The following TBC1D12 variants were observed in gnomAD, a reference collection of about 807,000 sequenced individuals.
TBC1D12 encodes TBC1 domain family member 12, also known as TBC1 domain family, member 12.
TBC1D12 carries 56 observed loss-of-function variants against 86.7 expected under a neutral mutation model. The observed-to-expected ratio is 0.65, with a 90% CI of 0.52 to 0.81. The LOEUF (loss-of-function observed/expected upper bound fraction) is 0.81, where lower values mean the gene tolerates loss of function less well. Ranked by LOEUF, TBC1D12 falls within the 30% of genes least tolerant of loss-of-function variation. The pLI is 0.00. For synonymous variants in TBC1D12, 421 were observed against 411.7 expected (o/e 1.02, Z -0.27); for missense variants, 1,023 against 1,038.8 (o/e 0.98, Z 0.21).
intron 9 of TBC1D12, among the ~76,000 whole-genome samples, chr10:94,519,038 G>A (rs1227608770): frequency 6.6e-6 from 1 of 152,168 alleles, no homozygotes; most frequent in Admixed American, 6.5e-5. Flanking sequence ...TCGTGCCACT[G>A]CACTCCAGCC....
At chr10:94,489,436 A>T (rs1381237123) in intron 3 of TBC1D12, among the ~76,000 whole-genome samples, 1 of 152,154 alleles carries the variant, frequency 6.6e-6, no homozygotes, top group South Asian at 2.1e-4. Context: ...ACCCTCTGCA[A>T]TGCCTCTTTC....
At chr10:94,529,515 G>A (rs982900139) in intron 11 of TBC1D12, among the ~76,000 whole-genome samples, 1 of 152,172 alleles carries the variant, frequency 6.6e-6, no homozygotes, top group African/African-American at 2.4e-5. Context: ...CTACTCGGGA[G>A]GCTGAGGCAG....
intron 5 of TBC1D12, among the ~76,000 whole-genome samples, 181 bp downstream of exon 5, chr10:94,497,353 T>C (rs1462428502): frequency 1.5e-4 from 23 of 152,032 alleles, no homozygotes. Flanking sequence ...TTTCTGATTC[T>C]GTATTTTTAT....
rs116721402 is a variant in TBC1D12 at position 94,492,530 on chromosome 10, C to A, written c.1212-835C>A. 3.9e-3 allele frequency among the ~76,000 whole-genome samples: 591 copies of A among 152,214 alleles called. 3 individuals are homozygous for A. Among genetic ancestry groups the A allele is most frequent in the African/African-American group, 0.014 (562 of 41,540 alleles). On this transcript the variant is annotated intron_variant, in intron 3 of 12. Coordinates refer to ENST00000225235, the MANE Select transcript of TBC1D12 (RefSeq NM_015188.2). ...CTCAATCTGGAAACAATCCAAGTGT[C>A]CACCCACATGGATAAATGGAATACT...
Position 94,533,057 on chromosome 10 carries a change from A to AG in TBC1D12, c.2290dup (p.Glu764GlyfsTer7). 6.3e-7 allele frequency: 1 copy of AG among 1,595,414 alleles called. No individual in the cohort carries two copies. Among genetic ancestry groups the AG allele is most frequent in the Middle Eastern group, 1.7e-4 (1 of 6,004 alleles). On this transcript the variant is annotated frameshift_variant, in exon 13 of 13. Transcript: ENST00000225235. LOFTEE classifies it high-confidence loss of function. ...TTGCATCTGTAATGAAGGATATTAA[A>AG]GAAGGAGACAAGAACAGTAGTCCTG...
rs76865391 is a variant in TBC1D12 at position 94,438,451 on chromosome 10, T to C, written c.972-3445T>C. On this transcript the variant is annotated intron_variant, in intron 1 of 12. Transcript: ENST00000225235. ...ATACTTACAGTGAAAGCCACTGCTG[T>C]GGAGAGTAGTGAAACTGATGCATGT... Among the ~76,000 whole-genome samples, 413 of 152,250 alleles carry C rather than the reference T, an allele frequency of 2.7e-3. 10 individuals carry two copies. The East Asian group carries it at 0.06, about 22-fold the overall frequency.
In TBC1D12 at chr10:94,441,273, A is replaced by G. The variant is rs182799915; in HGVS notation, c.972-623A>G. Among the ~76,000 whole-genome samples, 12 of 152,082 alleles carry G rather than the reference A, an allele frequency of 7.9e-5. No individual in the cohort carries two copies. The East Asian group carries it at 2.1e-3, about 27-fold the overall frequency. ...CCTAGGAAAGACAGGTTATGTATAT[A>G]TATTATAGCAATAGGGGATTAGTAG... On this transcript the variant is annotated intron_variant, in intron 1 of 12. Coordinates refer to ENST00000225235, the MANE Select transcript of TBC1D12 (RefSeq NM_015188.2).
intron 3 of TBC1D12, among the ~76,000 whole-genome samples, chr10:94,481,077 CTCA>C (rs939803203): frequency 2.2e-5 from 3 of 138,878 alleles, no homozygotes; most frequent in Non-Finnish European, 3.0e-5. Flanking sequence ...AGCAGTGGGA[CTCA>C]TCAATAGTCT....
intron 9 of TBC1D12, among the ~76,000 whole-genome samples, chr10:94,513,381 A>G (rs560501760): frequency 2.5e-4 from 38 of 152,120 alleles, no homozygotes; most frequent in Non-Finnish European, 4.0e-4. Context: ...GGATTGGACC[A>G]CTGCATTCCA....
chr10:94,497,581 G>A (rs943362786), intron 5 of TBC1D12, among the ~76,000 whole-genome samples: 5 of 141,170 alleles, frequency 3.5e-5, no homozygotes, highest in Admixed American at 7.3e-5. Context: ...GTGCAGTGGC[G>A]TGGTCTCCGC....
At chr10:94,517,857 T>C (rs113849365) in intron 9 of TBC1D12, among the ~76,000 whole-genome samples, 242 of 152,276 alleles carry the variant, frequency 1.6e-3, no homozygotes, top group African/African-American at 5.5e-3. Context: ...TTATACTTAT[T>C]TAAAAGAACC....
At chr10:94,443,788 G>C (rs1165499985) in intron 2 of TBC1D12, among the ~76,000 whole-genome samples, 1 of 152,190 alleles carries the variant, frequency 6.6e-6, no homozygotes, top group Non-Finnish European at 1.5e-5. Context: ...CTGGAAATGA[G>C]GGTTATGTCT....
intron 11 of TBC1D12, among the ~76,000 whole-genome samples, chr10:94,528,975 C>T (rs927956910): frequency 6.6e-6 from 1 of 151,824 alleles, no homozygotes; most frequent in African/African-American, 2.4e-5. Context: ...TGGCATTGGT[C>T]AAATGTGTCT....
chr10:94,441,910 A>G lies in TBC1D12; in HGVS notation c.986A>G (p.Lys329Arg), dbSNP rs1452164734. The G allele has an allele frequency of 6.2e-7, 1 of 1,611,908 alleles. No individual in the cohort carries two copies. ...CTGTGTTTCAGAAACCTTTTTCCAAAAAGGACAAAGGAACTCAAATCAGTT... is the reference window on the plus strand; with the variant it reads ...CTGTGTTTCAGAAACCTTTTTCCAAGAAGGACAAAGGAACTCAAATCAGTT... ...ADFFTRNLFP[K>R]RTKELKSVVH... The change falls in exon 2 of 13, where the codon AAA becomes AGA. Residue 329 changes from lysine to arginine, a missense_variant. Physicochemically the swap from Lys to Arg is conservative, Grantham distance 26. This residue lies in a region of TBC1D12 where 628 missense variants were observed against 531.1 expected (regional missense o/e 1.18). Coordinates refer to ENST00000225235, the MANE Select transcript of TBC1D12 (RefSeq NM_015188.2).
At chr10:94,488,244 C>T (rs568386533) in intron 3 of TBC1D12, among the ~76,000 whole-genome samples, 8 of 151,228 alleles carry the variant, frequency 5.3e-5, no homozygotes, top group South Asian at 2.1e-4. Context: ...AAAAATTAGC[C>T]GGGTATGGTG....
intron 11 of TBC1D12, among the ~76,000 whole-genome samples, chr10:94,524,502 AG>A (rs1420098399): frequency 1.3e-5 from 2 of 152,164 alleles, no homozygotes; most frequent in East Asian, 3.9e-4. Flanking sequence ...GTACTTTGGG[AG>A]GCCGAGGCAG....
chr10:94,522,607 C>T (rs1304319924), intron 11 of TBC1D12, among the ~76,000 whole-genome samples, 154 bp downstream of exon 11: 6 of 152,032 alleles, frequency 3.9e-5, no homozygotes, highest in African/African-American at 9.7e-5. Context: ...TTTGTGGGGA[C>T]GCATTTGATT....
Position 94,533,096 on chromosome 10 carries a change from G to A in TBC1D12, c.2328G>A (p.Ter776=), listed in dbSNP as rs748989982. 6.3e-7 allele frequency: 1 copy of A among 1,582,880 alleles called. No homozygotes were observed. Among genetic ancestry groups the A allele is most frequent in the Admixed American group, 1.8e-5 (1 of 56,560 alleles). The change falls in exon 13 of 13, where the codon TAG becomes TAA. Residue 776 remains the stop codon, a stop_retained_variant. Transcript: ENST00000225235. ...DKNSSPALKS[*] is the part of the protein sequence containing the mutation. ...ACAGTAGTCCTGCTTTGAAAAGCTA[G>A]TCTTCAAAATTGACAGACTAACTGA...
At chr10:94,450,323 G>A (rs921566924) in intron 2 of TBC1D12, among the ~76,000 whole-genome samples, 4 of 151,902 alleles carry the variant, frequency 2.6e-5, no homozygotes, top group African/African-American at 9.7e-5. Context: ...AGTTGAAAGA[G>A]TGATTTATTT....
Sources: gnomAD v4.1 joint callset for allele counts (sites outside exome capture counted in the v4.1 genomes callset) on GRCh38, gnomAD v4.1.1 for gene constraint, gnomAD v4.1.1 regional missense constraint, MANE v1.5 for transcripts, NCBI Gene and HGNC (gene_info 2026-07-23, HGNC 2026-07-21) for gene names.